Variants in KCNMA1 observed in about 807,000 individuals in gnomAD.
KCNMA1 encodes the protein Calcium-activated potassium channel subunit alpha-1.
Under a neutral mutation model 140.0 loss-of-function variants are expected in KCNMA1, and 29 were observed. That is an observed-to-expected ratio of 0.21 (90% confidence interval 0.15 to 0.28). KCNMA1 has a LOEUF of 0.28. Among genes scored for constraint, KCNMA1 ranks in the 10% least tolerant of loss-of-function variants. The pLI is 1.00. For missense variants in KCNMA1, 880 were observed against 1,602.2 expected (o/e 0.55, Z 7.70); for synonymous variants, 612 against 611.9 (o/e 1.00, Z 0.00).
intron 1 of KCNMA1, among the ~76,000 whole-genome samples, chr10:77,489,418 C>A (rs940503498): frequency 1.3e-5 from 2 of 152,100 alleles, no homozygotes; most frequent in Non-Finnish European, 2.9e-5. Context: ...TGACTGCAAC[C>A]TCTGCCTCCC....
At chr10:77,459,512 T>C (rs936693341) in intron 1 of KCNMA1, among the ~76,000 whole-genome samples, 12 of 152,236 alleles carry the variant, frequency 7.9e-5, no homozygotes, top group Admixed American at 5.9e-4. Flanking sequence ...GCTAACAGCA[T>C]GTAGGTGTTG....
intron 2 of KCNMA1, among the ~76,000 whole-genome samples, chr10:77,384,952 G>A (rs1310428226): frequency 6.6e-6 from 1 of 152,194 alleles, no homozygotes; most frequent in Non-Finnish European, 1.5e-5. Flanking sequence ...TTAAATCTCA[G>A]TTCAGATGCT....
intron 14 of KCNMA1, among the ~76,000 whole-genome samples, chr10:77,042,154 C>T (rs566829303): frequency 1.4e-4 from 22 of 152,118 alleles, no homozygotes; most frequent in Admixed American, 5.2e-4. Flanking sequence ...TACAAATTGG[C>T]CTTCCCCAGA....
rs138645471 is a variant in KCNMA1 at position 77,063,788 on chromosome 10, G to C, written c.1749+9309C>G. On this transcript the variant is annotated intron_variant, in intron 14 of 27. Transcript: ENST00000286628. ...AAACCAAAGTCAAAAATTTGGAAGA[G>C]TGGGGAGGCAGAGTAGACCCAGTCT... 7.1e-6 allele frequency: 7 copies of C among 985,340 alleles called. No homozygotes were observed. The African/African-American group carries it at 1.2e-4, about 17-fold the overall frequency. 61.0% of individuals were successfully genotyped at this position (985,340 alleles called of 1,614,324 possible). A position where few individuals can be genotyped will look rare whatever the true frequency, so the allele number is the denominator to read the frequency against.
intron 2 of KCNMA1, among the ~76,000 whole-genome samples, chr10:77,389,035 G>T (rs530381286): frequency 3.3e-5 from 5 of 152,334 alleles, no homozygotes; most frequent in African/African-American, 1.2e-4. Context: ...AGGGAGGCAA[G>T]GGGGAGTCTT....
At position 76,909,990 on chromosome 10, in the gene KCNMA1, A is replaced by G. The variant is rs1311900668; in HGVS notation, c.3123T>C (p.Ser1041=). 2 of 1,613,944 alleles carry G rather than the reference A, an allele frequency of 1.2e-6. No individual in the cohort carries two copies. The highest frequency in any genetic ancestry group is 3.3e-5 in the Admixed American group (2 of 60,006). The change falls in exon 25 of 28, where the codon AGT becomes AGC. Residue 1041 remains serine (S), a synonymous_variant. Coordinates refer to ENST00000286628, the MANE Select transcript of KCNMA1 (RefSeq NM_001161352.2). ...PFACGTAFAV[S]VLDSLMSATY... is the part of the protein sequence containing the mutation. ...CCGCGCTCATGAGTGAGTCCAGGACACTGACGGCAAATGCTGTCCCACAGG... is the reference window on the plus strand; with the variant it reads ...CCGCGCTCATGAGTGAGTCCAGGACGCTGACGGCAAATGCTGTCCCACAGG...
intron 19 of KCNMA1, among the ~76,000 whole-genome samples, chr10:76,990,818 G>C (rs911001436): frequency 3.3e-5 from 5 of 152,190 alleles, no homozygotes; most frequent in East Asian, 3.9e-4. Flanking sequence ...AAAATGCAGA[G>C]AGCATTTCAG....
rs192593650 is a variant in KCNMA1, at chr10:77,602,774, A to T, written c.378+34491T>A. Among the ~76,000 whole-genome samples, 1,197 of 152,252 alleles carry T rather than the reference A, an allele frequency of 7.9e-3. 14 individuals carry two copies. The highest frequency in any genetic ancestry group is 0.011 in the Non-Finnish European group (777 of 68,018). On this transcript the variant is annotated intron_variant, in intron 1 of 27. Transcript: ENST00000286628. ...CCTCCAGCAGCCCCTCCTGCCAGCC[A>T]ACCACCCTCATCCCTCCCGTGGATT...
chr10:77,607,897 TCTC>T (rs1050220147), intron 1 of KCNMA1, among the ~76,000 whole-genome samples: 20 of 152,194 alleles, frequency 1.3e-4, no homozygotes, highest in African/African-American at 4.8e-4. Context: ...AGAGGTCCCT[TCTC>T]CTGCTCAACA....
At chr10:77,143,989 T>C (rs1396332015) in intron 5 of KCNMA1, among the ~76,000 whole-genome samples, 1 of 152,170 alleles carries the variant, frequency 6.6e-6, no homozygotes, top group Non-Finnish European at 1.5e-5. Flanking sequence ...TGTAAAATGG[T>C]GTATCTTCCT....
chr10:77,439,649 G>T (rs1016766399), intron 1 of KCNMA1, among the ~76,000 whole-genome samples: 1 of 152,204 alleles, frequency 6.6e-6, no homozygotes, highest in Non-Finnish European at 1.5e-5. Flanking sequence ...GTGGCCAGGG[G>T]ACAGCAGGAG....
intron 2 of KCNMA1, among the ~76,000 whole-genome samples, chr10:77,273,709 G>A (rs139252043): frequency 6.6e-6 from 1 of 152,206 alleles, no homozygotes; most frequent in African/African-American, 2.4e-5. Flanking sequence ...CCTGGTGGAA[G>A]TGTAATTAAG....
intron 3 of KCNMA1, among the ~76,000 whole-genome samples, chr10:77,239,422 T>G (rs1036366016): frequency 1.3e-5 from 2 of 152,154 alleles, no homozygotes; most frequent in Non-Finnish European, 2.9e-5. Flanking sequence ...GCTCTCAAAT[T>G]ACAAGGTGGC....
intron 1 of KCNMA1, among the ~76,000 whole-genome samples, chr10:77,437,534 GATAGAAAATTCAGA>G: frequency 6.6e-6 from 1 of 152,238 alleles, no homozygotes; most frequent in Admixed American, 6.5e-5. Context: ...AACATTCATG[GATAGAAAATTCAGA>G]ACAAGTCACC....
chr10:77,356,185 G>T (rs944898127), intron 2 of KCNMA1, among the ~76,000 whole-genome samples: 5 of 152,122 alleles, frequency 3.3e-5, no homozygotes, highest in Non-Finnish European at 7.4e-5. Context: ...ATAGATGCTG[G>T]ATTCTCCAGG....
intron 1 of KCNMA1, 119 bp from the exon 2 acceptor site, chr10:77,404,142 G>T: frequency 1.1e-6 from 1 of 888,426 alleles, no homozygotes; most frequent in South Asian, 1.4e-5. Flanking sequence ...CTAGCTTAAA[G>T]GTATAGGAGT....
intron 6 of KCNMA1, among the ~76,000 whole-genome samples, chr10:77,118,433 T>C (rs2097529641): frequency 6.6e-6 from 1 of 152,208 alleles, no homozygotes; most frequent in African/African-American, 2.4e-5. Flanking sequence ...TACAATTACA[T>C]GACGTTTGCT....
intron 2 of KCNMA1, among the ~76,000 whole-genome samples, chr10:77,399,246 T>C (rs2096179212): frequency 6.6e-6 from 1 of 152,160 alleles, no homozygotes. Context: ...TGAGATGCAG[T>C]GAACAAAGTC....
At chr10:76,887,789 A>G in intron 27 of KCNMA1, 1 of 478,490 alleles carries the variant, frequency 2.1e-6, no homozygotes, top group Non-Finnish European at 3.8e-6. Flanking sequence ...CGTGGTCTAC[A>G]TGTACCTTTC....
Sources: gnomAD v4.1 joint callset for allele counts (sites outside exome capture counted in the v4.1 genomes callset) on GRCh38, gnomAD v4.1.1 for gene constraint, MANE v1.5 for transcripts, NCBI Gene and HGNC (gene_info 2026-07-23, HGNC 2026-07-21) for gene names.